Variants in CSMD1 observed in about 807,000 individuals in gnomAD.
The protein encoded by CSMD1 is CUB and sushi domain-containing protein 1.
Under a neutral mutation model 417.5 loss-of-function variants are expected in CSMD1, and 213 were observed. The observed-to-expected ratio is 0.51, with a 90% CI of 0.46 to 0.57. CSMD1 has a LOEUF of 0.57. Ranked by LOEUF, CSMD1 falls within the 20% of genes least tolerant of loss-of-function variation. The probability of loss-of-function intolerance (pLI) is 0.00; values close to 1 mark genes in which losing one functional copy is unlikely to be tolerated. For synonymous variants in CSMD1, 2,862 were observed against 1,736.8 expected (o/e 1.65, Z -16.11); for missense variants, 6,923 against 4,529.7 (o/e 1.53, Z -15.17).
chr8:4,825,614 G>T (rs951577071), intron 1 of CSMD1, among the ~76,000 whole-genome samples: 3 of 75,916 alleles, frequency 4.0e-5, no homozygotes, highest in African/African-American at 1.9e-4. Flanking sequence ...AAAAGAAAAA[G>T]AGACATGTGA....
intron 2 of CSMD1, among the ~76,000 whole-genome samples, chr8:4,603,725 A>T (rs1800716736): frequency 6.6e-6 from 1 of 152,152 alleles, no homozygotes; most frequent in Non-Finnish European, 1.5e-5. Flanking sequence ...TTGTATGCTA[A>T]TGAAAAAATA....
chr8:3,961,590 G>C (rs1035695682), intron 5 of CSMD1, among the ~76,000 whole-genome samples: 3 of 152,162 alleles, frequency 2.0e-5, no homozygotes, highest in Non-Finnish European at 2.9e-5. Context: ...AACGCTTTGA[G>C]ATCATAATTT....
chr8:4,031,846 T>A (rs1797362718), intron 4 of CSMD1, 59 bp downstream of exon 4: 1 of 1,307,154 alleles, frequency 7.7e-7, no homozygotes, highest in South Asian at 1.7e-5. Context: ...CATAAAAGCA[T>A]CTCCAAAACC....
intron 37 of CSMD1, among the ~76,000 whole-genome samples, chr8:3,167,046 G>C (rs1820268280): frequency 6.6e-6 from 1 of 152,114 alleles, no homozygotes; most frequent in Non-Finnish European, 1.5e-5. Flanking sequence ...CAGCACTTTG[G>C]GAGGCCAAGG....
intron 5 of CSMD1, among the ~76,000 whole-genome samples, chr8:3,782,071 A>G (rs1289384773): frequency 6.6e-6 from 1 of 152,174 alleles, no homozygotes; most frequent in East Asian, 1.9e-4. Context: ...TTGGAAGGAG[A>G]GTTTGATAAA....
intron 2 of CSMD1, among the ~76,000 whole-genome samples, chr8:4,421,011 T>A (rs11136743): frequency 0.17 from 26,445 of 152,132 alleles, 2,467 homozygotes; most frequent in East Asian, 0.26. Flanking sequence ...CAGTATCTGC[T>A]GTCTGCTTTT....
At chr8:3,385,639 C>G (rs1318618515) in intron 18 of CSMD1, among the ~76,000 whole-genome samples, 1 of 152,066 alleles carries the variant, frequency 6.6e-6, no homozygotes, top group Non-Finnish European at 1.5e-5. Flanking sequence ...TTTCTGTAGG[C>G]AAATTCACTT....
At chr8:3,167,660 C>T (rs984603973) in intron 37 of CSMD1, among the ~76,000 whole-genome samples, 5 of 152,130 alleles carry the variant, frequency 3.3e-5, no homozygotes, top group African/African-American at 1.2e-4. Flanking sequence ...TTTTTAAACC[C>T]CATGAATCCA....
chr8:4,312,986 G>A (rs947610111), intron 3 of CSMD1, among the ~76,000 whole-genome samples: 26 of 152,072 alleles, frequency 1.7e-4, no homozygotes, highest in East Asian at 5.8e-4. Context: ...TAAGTTTTGC[G>A]GGGAAATGAA....
chr8:3,555,602 A>G (rs1045130029), intron 10 of CSMD1, among the ~76,000 whole-genome samples: 14 of 152,216 alleles, frequency 9.2e-5, no homozygotes, highest in Non-Finnish European at 1.6e-4. Flanking sequence ...CTTTAATTCT[A>G]CAGAACAAAC....
chr8:3,598,292 G>C (rs1488284804), intron 8 of CSMD1: 3 of 152,174 alleles, frequency 2.0e-5, no homozygotes, highest in African/African-American at 7.2e-5. Flanking sequence ...GACCTGCTCG[G>C]CTTCCTCGCA....
Position 4,110,678 on chromosome 8 carries a change from GA to G in CSMD1, c.416-78580del, listed in dbSNP as rs562242978. ...TGTGTGTTTCTATAAAGTTACCTAAGAAAATGTTTTGCTGCTTATAATTTCA... is the reference window on the plus strand; with the variant it reads ...TGTGTGTTTCTATAAAGTTACCTAAGAAATGTTTTGCTGCTTATAATTTCA... On this transcript the variant is annotated intron_variant, in intron 3 of 69. Transcript: ENST00000635120. 1.8e-4 allele frequency among the ~76,000 whole-genome samples: 27 copies of G among 152,058 alleles called. No homozygotes were observed. The South Asian group carries it at 5.6e-3, about 32-fold the overall frequency.
intron 14 of CSMD1, among the ~76,000 whole-genome samples, chr8:3,407,661 G>A (rs915986701): frequency 3.3e-5 from 5 of 152,156 alleles, no homozygotes; most frequent in African/African-American, 9.7e-5. Flanking sequence ...GGAGATGAAA[G>A]AGAGAGGAGA....
At chr8:3,120,692 C>T (rs996480367) in intron 41 of CSMD1, among the ~76,000 whole-genome samples, 2 of 134,948 alleles carry the variant, frequency 1.5e-5, no homozygotes, top group African/African-American at 3.4e-5. Flanking sequence ...ACTAAAAATA[C>T]AAAAATTAGC....
At chr8:3,420,937 G>C (rs147988056) in intron 12 of CSMD1, among the ~76,000 whole-genome samples, 10 of 152,014 alleles carry the variant, frequency 6.6e-5, no homozygotes, top group African/African-American at 2.4e-4. Context: ...CTAATAATCA[G>C]AATTTATTAT....
intron 3 of CSMD1, among the ~76,000 whole-genome samples, chr8:4,139,716 C>T (rs569639536): frequency 1.3e-5 from 2 of 150,976 alleles, no homozygotes; most frequent in Non-Finnish European, 2.9e-5. Flanking sequence ...TGGGAAGCCC[C>T]GAGTGATGCT....
intron 3 of CSMD1, among the ~76,000 whole-genome samples, chr8:4,347,828 C>T (rs568650639): frequency 2.4e-5 from 3 of 125,400 alleles, no homozygotes; most frequent in African/African-American, 1.2e-4. Flanking sequence ...ATTATATCTT[C>T]TCTCGTTCAA....
At chr8:4,460,340 A>G (rs563503416) in intron 2 of CSMD1, among the ~76,000 whole-genome samples, 41 of 152,258 alleles carry the variant, frequency 2.7e-4, no homozygotes, top group African/African-American at 8.9e-4. Context: ...GAAGAATTGC[A>G]TAGAGGGAAA....
intron 3 of CSMD1, among the ~76,000 whole-genome samples, chr8:4,350,378 G>C (rs904132437): frequency 2.0e-5 from 3 of 152,108 alleles, no homozygotes; most frequent in African/African-American, 7.2e-5. Context: ...TCAAAATAGT[G>C]TTATAAATGA....
Sources: allele counts gnomAD v4.1 joint callset (sites outside exome capture counted in the v4.1 genomes callset), GRCh38; gene constraint gnomAD v4.1.1; transcripts MANE v1.5; gene names NCBI Gene and HGNC (gene_info 2026-07-23, HGNC 2026-07-21).